ATE1: variants seen among roughly 807,000 people sequenced by gnomAD.
ATE1 encodes arginyltransferase 1.
Under a neutral mutation model 70.5 loss-of-function variants are expected in ATE1, and 36 were observed. The ratio of observed to expected loss-of-function variants is 0.51; its 90% CI spans 0.39 to 0.67. The LOEUF (loss-of-function observed/expected upper bound fraction) is 0.67, where lower values mean the gene tolerates loss of function less well. Ranked by LOEUF, ATE1 falls within the 30% of genes least tolerant of loss-of-function variation. The pLI is 0.00. For synonymous variants in ATE1, 232 were observed against 219.3 expected (o/e 1.06, Z -0.51); for missense variants, 593 against 629.5 (o/e 0.94, Z 0.62).
chr10:121,773,397 T>G (rs1013104846), intron 11 of ATE1, among the ~76,000 whole-genome samples: 5 of 152,206 alleles, frequency 3.3e-5, no homozygotes, highest in Non-Finnish European at 2.9e-5. Flanking sequence ...ACATTGAAAC[T>G]CTGGACAGTA....
At chr10:121,813,264 G>T (rs1365267671) in intron 10 of ATE1, among the ~76,000 whole-genome samples, 1 of 152,182 alleles carries the variant, frequency 6.6e-6, no homozygotes, top group African/African-American at 2.4e-5. Context: ...CTCTGTGAAA[G>T]ATCAAAATCT....
chr10:121,920,855 G>C (rs148922052), intron 3 of ATE1, among the ~76,000 whole-genome samples: 2 of 151,844 alleles, frequency 1.3e-5, no homozygotes, highest in African/African-American at 4.8e-5. Flanking sequence ...TTAGCCGGGC[G>C]TGGTGGCAGG....
At chr10:121,835,777 T>G (rs1171770830) in intron 10 of ATE1, among the ~76,000 whole-genome samples, 1 of 152,112 alleles carries the variant, frequency 6.6e-6, no homozygotes, top group Admixed American at 6.6e-5. Flanking sequence ...TCCAAAATAA[T>G]TCAAGAGAGG....
chr10:121,824,584 G>A (rs1391251700), intron 10 of ATE1, among the ~76,000 whole-genome samples: 9 of 152,076 alleles, frequency 5.9e-5, no homozygotes, highest in African/African-American at 2.4e-5. Context: ...AATCACAGAC[G>A]GATTTAGCCT....
intron 3 of ATE1, among the ~76,000 whole-genome samples, chr10:121,916,083 C>T (rs1384745724): frequency 1.3e-5 from 2 of 150,628 alleles, no homozygotes; most frequent in Non-Finnish European, 1.5e-5. Context: ...AAAAATTAGC[C>T]GGGCGTGGTG....
At position 121,784,817 on chromosome 10, in the gene ATE1, C is replaced by T. The variant is rs558141294; in HGVS notation, c.1378+5352G>A. Among the ~76,000 whole-genome samples the T allele has an allele frequency of 2.0e-5, 3 of 152,140 alleles. No individual in the cohort carries two copies. In the South Asian group the frequency reaches 6.2e-4, roughly 32 times the overall value. ...GAGGCTACAGTGAGCTGGTATCACG[C>T]CACTGCACTCCACCCTGGGTGACAG... On this transcript the variant is annotated intron_variant, in intron 11 of 11. Transcript: ENST00000224652.
chr10:121,927,155 CA>C (rs1952125441), intron 1 of ATE1: 13 of 985,228 alleles, frequency 1.3e-5, no homozygotes, highest in Non-Finnish European at 1.6e-5. Flanking sequence ...AAATCTCCCC[CA>C]AAGAAATCTG....
At chr10:121,753,280 TC>T (rs1343762790) in intron 11 of ATE1, among the ~76,000 whole-genome samples, 1 of 152,198 alleles carries the variant, frequency 6.6e-6, no homozygotes, top group African/African-American at 2.4e-5. Context: ...CTTCTTCCTT[TC>T]CAATCTGAAT....
chr10:121,790,271 C>G lies in ATE1; in HGVS notation c.1276G>C (p.Asp426His). Residue 426 changes from aspartate (D) to histidine (H), a missense_variant, in exon 11 of 12, where the codon GAT becomes CAT. By Grantham distance (81) the Asp-to-His change is moderately conservative. Coordinates refer to ENST00000224652, the MANE Select transcript of ATE1 (RefSeq NM_001001976.3). ...MKYKGQYRPSDLLCPETYVWV... is the reference protein window; with the variant it reads ...MKYKGQYRPSHLLCPETYVWV... ...ACATATGTCTCAGGGCACAGCAAAT[C>G]AGAAGGTCTATACTGACCCTGAAGA... 1.4e-5 allele frequency: 22 copies of G among 1,614,012 alleles called. No homozygotes were observed. The highest frequency in any genetic ancestry group is 1.8e-5 in the Non-Finnish European group (21 of 1,179,962).
intron 11 of ATE1, among the ~76,000 whole-genome samples, chr10:121,765,439 A>G (rs2420956): frequency 0.78 from 118,776 of 151,378 alleles, 46,779 homozygotes; most frequent in Middle Eastern, 0.89. Flanking sequence ...CTATGCTAAC[A>G]TTCAGAATAT....
intron 8 of ATE1, 115 bp downstream of exon 8, chr10:121,869,891 T>A (rs896870285): frequency 2.1e-5 from 20 of 963,908 alleles, no homozygotes; most frequent in Middle Eastern, 4.6e-4. Context: ...TTGAAGAATA[T>A]ATGTGTCCCA....
intron 10 of ATE1, among the ~76,000 whole-genome samples, chr10:121,794,610 C>CAAAAAAAAA (rs71022866): frequency 5.2e-5 from 4 of 77,542 alleles, no homozygotes; most frequent in African/African-American, 1.5e-4. Flanking sequence ...ACCCTGTCTC[C>CAAAAAAAAA]AAAAAAAAAA....
At chr10:121,763,801 G>T (rs1307428665) in intron 11 of ATE1, among the ~76,000 whole-genome samples, 1 of 152,062 alleles carries the variant, frequency 6.6e-6, no homozygotes, top group Non-Finnish European at 1.5e-5. Context: ...ATCACTTGAG[G>T]CCAGGAGTTT....
intron 10 of ATE1, among the ~76,000 whole-genome samples, chr10:121,828,651 G>A (rs1456632627): frequency 6.6e-6 from 1 of 152,172 alleles, no homozygotes; most frequent in African/African-American, 2.4e-5. Context: ...CTAGGATTAG[G>A]AAAACAGCCT....
chr10:121,882,979 C>T (rs1950271421), intron 7 of ATE1, among the ~76,000 whole-genome samples: 1 of 152,066 alleles, frequency 6.6e-6, no homozygotes, highest in South Asian at 2.1e-4. Flanking sequence ...ATACAAAACC[C>T]CAGAAAAAAA....
At chr10:121,748,970 C>CTAT (rs1370165176) in intron 11 of ATE1, among the ~76,000 whole-genome samples, 1 of 151,284 alleles carries the variant, frequency 6.6e-6, no homozygotes, top group Non-Finnish European at 1.5e-5. Flanking sequence ...AACACACAGA[C>CTAT]TATGCTGAAA....
chr10:121,824,557 T>C (rs924358593), intron 10 of ATE1, among the ~76,000 whole-genome samples: 11 of 152,202 alleles, frequency 7.2e-5, no homozygotes, highest in African/African-American at 2.7e-4. Context: ...AGCTGAGACA[T>C]TCACATAAGC....
At chr10:121,917,693 G>C (rs1006170645) in intron 3 of ATE1, among the ~76,000 whole-genome samples, 1 of 152,136 alleles carries the variant, frequency 6.6e-6, no homozygotes. Flanking sequence ...CTTAAAGACA[G>C]GGAGATGAAA....
intron 8 of ATE1, among the ~76,000 whole-genome samples, chr10:121,868,284 T>C (rs1456182353): frequency 6.6e-6 from 1 of 152,204 alleles, no homozygotes; most frequent in African/African-American, 2.4e-5. Flanking sequence ...GAAAAAGAAA[T>C]TCATATTAAT....
Sources: gnomAD v4.1 joint callset for allele counts (sites outside exome capture counted in the v4.1 genomes callset) on GRCh38, gnomAD v4.1.1 for gene constraint, MANE v1.5 for transcripts, NCBI Gene and HGNC (gene_info 2026-07-23, HGNC 2026-07-21) for gene names.